The following LDB2 variants were observed in gnomAD, a reference collection of about 807,000 sequenced individuals.
LDB2 encodes LIM domain-binding protein 2.
In LDB2, 12 loss-of-function variants were observed where a neutral mutation model predicts 44.3. The ratio of observed to expected loss-of-function variants is 0.27; its 90% CI spans 0.17 to 0.44. The LOEUF is 0.44. Among genes scored for constraint, LDB2 ranks in the 20% least tolerant of loss-of-function variants. The pLI, the probability that LDB2 is intolerant of heterozygous loss-of-function variation, is 1.00. For missense variants in LDB2, 344 were observed against 473.5 expected (o/e 0.73, Z 2.54); for synonymous variants, 164 against 174.8 (o/e 0.94, Z 0.49).
chr4:16,752,882 GA>G (rs201089189), intron 2 of LDB2, among the ~76,000 whole-genome samples: 8,619 of 141,392 alleles, frequency 0.061, 320 homozygotes, highest in East Asian at 0.077. Context: ...TCAATGGATG[GA>G]AAAAAAAAAA....
intron 1 of LDB2, among the ~76,000 whole-genome samples, chr4:16,796,525 G>A (rs1031097888): frequency 1.3e-5 from 2 of 152,276 alleles, no homozygotes; most frequent in South Asian, 4.1e-4. Flanking sequence ...GAAGAGATGA[G>A]ACACATTTCC....
intron 1 of LDB2, among the ~76,000 whole-genome samples, chr4:16,790,035 G>A (rs2109583462): frequency 6.6e-6 from 1 of 152,322 alleles, no homozygotes; most frequent in East Asian, 1.9e-4. Context: ...TCTGCTCAAG[G>A]ACACACAGTA....
intron 2 of LDB2, among the ~76,000 whole-genome samples, chr4:16,697,785 G>A (rs1752524301): frequency 6.6e-6 from 1 of 152,148 alleles, no homozygotes; most frequent in Non-Finnish European, 1.5e-5. Flanking sequence ...TTCCTGCTCT[G>A]ATCAAGTTGA....
At position 16,588,392 on chromosome 4, in the gene LDB2, A is replaced by G. The variant is rs559756211; in HGVS notation, c.531+318T>C. On this transcript the variant is annotated intron_variant, in intron 4 of 7. Transcript: ENST00000304523. ...ATACATAACAGGTTTATTAGCCCCA[A>G]GCAGAGCAGTACTTGATAATGACTG... 3.3e-5 allele frequency among the ~76,000 whole-genome samples: 5 copies of G among 152,354 alleles called. No homozygotes were observed. The East Asian group carries it at 7.7e-4, about 23-fold the overall frequency.
chr4:16,589,692 A>G (rs1718232718), intron 3 of LDB2, among the ~76,000 whole-genome samples: 2 of 152,156 alleles, frequency 1.3e-5, no homozygotes, highest in African/African-American at 2.4e-5. Context: ...CGCTGAGCCT[A>G]TTTCAACTAT....
chr4:16,718,193 G>A (rs1757490207), intron 2 of LDB2, among the ~76,000 whole-genome samples: 1 of 152,010 alleles, frequency 6.6e-6, no homozygotes, highest in Non-Finnish European at 1.5e-5. Context: ...TGGGTGCTGG[G>A]TATTGTACAA....
intron 5 of LDB2, among the ~76,000 whole-genome samples, chr4:16,515,486 A>G (rs914229641): frequency 6.6e-6 from 1 of 152,198 alleles, no homozygotes; most frequent in African/African-American, 2.4e-5. Flanking sequence ...AGACTACTTC[A>G]TTGCCTTTCC....
intron 1 of LDB2, among the ~76,000 whole-genome samples, chr4:16,824,087 A>G (rs1032074101): frequency 1.3e-5 from 2 of 152,270 alleles, no homozygotes; most frequent in African/African-American, 4.8e-5. Flanking sequence ...GTACTGCTCA[A>G]CACGTAGAAT....
chr4:16,663,914 G>GA, intron 2 of LDB2, among the ~76,000 whole-genome samples: 1 of 152,150 alleles, frequency 6.6e-6, no homozygotes, highest in Middle Eastern at 3.4e-3. Context: ...TATCACCCTG[G>GA]AAAAGACAGT....
chr4:16,622,627 G>C (rs756851690), intron 2 of LDB2, among the ~76,000 whole-genome samples: 1 of 152,186 alleles, frequency 6.6e-6, no homozygotes, highest in Non-Finnish European at 1.5e-5. Flanking sequence ...AGCAAGGCAG[G>C]AGCAGATCTG....
intron 2 of LDB2, among the ~76,000 whole-genome samples, chr4:16,752,037 C>T (rs1029316106): frequency 2.5e-4 from 38 of 152,116 alleles, no homozygotes; most frequent in African/African-American, 8.2e-4. Flanking sequence ...AATGGAACCC[C>T]ATGCGAATAA....
At chr4:16,638,061 G>A (rs1452616191) in intron 2 of LDB2, among the ~76,000 whole-genome samples, 1 of 152,140 alleles carries the variant, frequency 6.6e-6, no homozygotes, top group African/African-American at 2.4e-5. Context: ...AGGATTAAAC[G>A]AATGAAAAAC....
intron 5 of LDB2, among the ~76,000 whole-genome samples, chr4:16,548,467 T>C (rs1356892058): frequency 1.3e-5 from 2 of 152,220 alleles, no homozygotes; most frequent in African/African-American, 4.8e-5. Context: ...TCCACTGCCC[T>C]GCAAGCTGAA....
intron 2 of LDB2, among the ~76,000 whole-genome samples, chr4:16,688,113 T>C (rs939260969): frequency 7.9e-5 from 12 of 152,202 alleles, no homozygotes; most frequent in East Asian, 1.9e-4. Flanking sequence ...AATGCACAAA[T>C]GGGAATTTGA....
chr4:16,548,883 A>C (rs1009519383), intron 5 of LDB2, among the ~76,000 whole-genome samples: 1 of 152,220 alleles, frequency 6.6e-6, no homozygotes, highest in Non-Finnish European at 1.5e-5. Context: ...ATGTGATCTT[A>C]GGGAGGTAAA....
intron 1 of LDB2, among the ~76,000 whole-genome samples, chr4:16,866,308 C>T (rs1561483579): frequency 6.6e-6 from 1 of 152,068 alleles, no homozygotes; most frequent in Non-Finnish European, 1.5e-5. Flanking sequence ...AGAGGAATAT[C>T]GAATTTAAAT....
intron 1 of LDB2, among the ~76,000 whole-genome samples, chr4:16,876,804 G>A (rs1312315834): frequency 2.0e-5 from 3 of 151,808 alleles, no homozygotes; most frequent in East Asian, 1.9e-4. Flanking sequence ...TATTGCCATC[G>A]ATCCTCAAAA....
intron 2 of LDB2, among the ~76,000 whole-genome samples, chr4:16,645,382 A>G (rs1449005921): frequency 6.6e-6 from 1 of 150,446 alleles, no homozygotes; most frequent in Non-Finnish European, 1.5e-5. Context: ...TAAAAATGCA[A>G]AAAAATTAGC....
At chr4:16,643,971 AC>A (rs113520444) in intron 2 of LDB2, among the ~76,000 whole-genome samples, 23 of 152,332 alleles carry the variant, frequency 1.5e-4, no homozygotes, top group African/African-American at 5.1e-4. Context: ...CTCCTAAACA[AC>A]AAACAGCCCT....
Sources: gnomAD v4.1 joint callset for allele counts (sites outside exome capture counted in the v4.1 genomes callset) on GRCh38, gnomAD v4.1.1 for gene constraint, MANE v1.5 for transcripts, NCBI Gene and HGNC (gene_info 2026-07-23, HGNC 2026-07-21) for gene names.